LSAMP: variants seen among roughly 807,000 people sequenced by gnomAD.
The protein encoded by LSAMP is limbic system-associated membrane protein.
LSAMP carries 7 observed loss-of-function variants against 38.6 expected under a neutral mutation model. The ratio of observed to expected loss-of-function variants is 0.18; its 90% CI spans 0.10 to 0.34. The LOEUF (loss-of-function observed/expected upper bound fraction) is 0.34. LSAMP is among the 10% of genes least tolerant of loss of function. The pLI is 1.00. For synonymous variants in LSAMP, 154 were observed against 166.8 expected (o/e 0.92, Z 0.59); for missense variants, 313 against 420.0 (o/e 0.75, Z 2.23).
intron 1 of LSAMP, among the ~76,000 whole-genome samples, chr3:116,273,707 T>TATATATATATATACACAC (rs1307543165): frequency 3.9e-5 from 4 of 102,606 alleles, no homozygotes; most frequent in African/African-American, 1.4e-4. Flanking sequence ...TATATATATA[T>TATATATATATATACACAC]ACACACACAC....
chr3:116,281,275 A>G (rs2047123237), intron 1 of LSAMP, among the ~76,000 whole-genome samples: 1 of 152,214 alleles, frequency 6.6e-6, no homozygotes, highest in African/African-American at 2.4e-5. Flanking sequence ...ATCTCCTTTG[A>G]AACTTTTGCC....
rs191799088 is a variant in LSAMP, at chr3:115,968,110, C to T, written c.514+51405G>A. 3.8e-3 allele frequency among the ~76,000 whole-genome samples: 580 copies of T among 152,166 alleles called. 3 individuals carry two copies. The highest frequency in any genetic ancestry group is 0.013 in the African/African-American group (546 of 41,530). ...CAGGGAATCTGGCCCCCTTCCAGCC[C>T]AAAGCAGGTCCAGAAATACCATCCA... On this transcript the variant is annotated intron_variant, in intron 3 of 6. Coordinates refer to ENST00000490035, the MANE Select transcript of LSAMP (RefSeq NM_002338.5).
intron 1 of LSAMP, among the ~76,000 whole-genome samples, chr3:116,277,556 A>C (rs1017705408): frequency 6.6e-6 from 1 of 151,956 alleles, no homozygotes. Flanking sequence ...ATTTTTTAGT[A>C]GAGACGGGGT....
chr3:116,110,932 T>C (rs1018172230), intron 1 of LSAMP, among the ~76,000 whole-genome samples: 4 of 151,448 alleles, frequency 2.6e-5, no homozygotes, highest in Non-Finnish European at 4.4e-5. Context: ...GGCCGTTTTA[T>C]AGGATTTAGG....
chr3:115,914,122 T>C (rs1354331799), intron 3 of LSAMP, among the ~76,000 whole-genome samples: 1 of 152,010 alleles, frequency 6.6e-6, no homozygotes, highest in South Asian at 2.1e-4. Flanking sequence ...AAAAGAAAAA[T>C]AGGCCCTCAA....
At chr3:116,343,198 G>T (rs1418424172) in intron 1 of LSAMP, among the ~76,000 whole-genome samples, 2 of 152,102 alleles carry the variant, frequency 1.3e-5, no homozygotes, top group Admixed American at 6.6e-5. Context: ...GATGGATTTG[G>T]AAAGACAGGT....
In LSAMP at chr3:116,060,327, G is replaced by C. The variant is rs188085883; in HGVS notation, c.388+25997C>G. ...AAATACATCAAATATACCTTAAAGA[G>C]GTAAACCAACTATTCGGTGAAATTT... On this transcript the variant is annotated intron_variant, in intron 2 of 6. Transcript: ENST00000490035. Among the ~76,000 whole-genome samples, 23 of 151,854 alleles carry C rather than the reference G, an allele frequency of 1.5e-4. No homozygotes were observed. The East Asian group carries it at 4.4e-3, about 29-fold the overall frequency.
chr3:116,445,158 G>T lies in LSAMP; in HGVS notation c.-127C>A. On this transcript the variant is annotated 5_prime_UTR_variant, in exon 1 of 7. Coordinates refer to ENST00000490035, the MANE Select transcript of LSAMP (RefSeq NM_002338.5). The stretch of plus-strand genomic sequence containing the variant: ...GCAGAGCGGGCTTTGCCAGTTTATG[G>T]TCCTTTCCACTTTGCCTCTCTCTTT... The T allele has an allele frequency of 2.2e-6, 2 of 893,550 alleles. No homozygotes were observed. The highest frequency in any genetic ancestry group is 3.3e-6 in the Non-Finnish European group (2 of 597,082). The allele number at this position is 893,550 out of a possible 1,614,324, so 55.4% of individuals were successfully genotyped here.
At chr3:116,378,415 T>A (rs1344892346) in intron 1 of LSAMP, among the ~76,000 whole-genome samples, 1 of 152,080 alleles carries the variant, frequency 6.6e-6, no homozygotes, top group African/African-American at 2.4e-5. Context: ...GTCTTTCTTT[T>A]GTAGGTATGA....
chr3:116,270,084 T>C (rs574963400), intron 1 of LSAMP, among the ~76,000 whole-genome samples: 1 of 152,322 alleles, frequency 6.6e-6, no homozygotes, highest in East Asian at 1.9e-4. Flanking sequence ...TTTACTTGCC[T>C]TATTCATAAA....
At chr3:115,856,620 A>G (rs1367241307) in intron 3 of LSAMP, among the ~76,000 whole-genome samples, 2 of 145,922 alleles carry the variant, frequency 1.4e-5, no homozygotes, top group African/African-American at 5.1e-5. Flanking sequence ...CTCCATCTCA[A>G]AAAAAAAAAA....
chr3:116,380,545 C>T, intron 1 of LSAMP, among the ~76,000 whole-genome samples: 1 of 151,920 alleles, frequency 6.6e-6, no homozygotes, highest in Non-Finnish European at 1.5e-5. Context: ...TGGTACTTTC[C>T]TGAGGCAACC....
At chr3:116,306,648 A>G (rs2047489188) in intron 1 of LSAMP, among the ~76,000 whole-genome samples, 1 of 152,040 alleles carries the variant, frequency 6.6e-6, no homozygotes, top group South Asian at 2.1e-4. Context: ...TGCTGTCCAG[A>G]TTCCACAGCT....
At chr3:116,441,387 A>G (rs1277158860) in intron 1 of LSAMP, among the ~76,000 whole-genome samples, 1 of 152,204 alleles carries the variant, frequency 6.6e-6, no homozygotes, top group East Asian at 1.9e-4. Flanking sequence ...TGCCTTATGA[A>G]TAGATATGTG....
At chr3:116,067,779 GT>G (rs148753469) in intron 2 of LSAMP, among the ~76,000 whole-genome samples, 1 of 151,056 alleles carries the variant, frequency 6.6e-6, no homozygotes, top group Non-Finnish European at 1.5e-5. Context: ...TCTTGCTGTT[GT>G]TTTTTTTTAA....
At position 115,978,485 on chromosome 3, in the gene LSAMP, T is replaced by C. The variant is rs934474300; in HGVS notation, c.514+41030A>G. On this transcript the variant is annotated intron_variant, in intron 3 of 6. Coordinates refer to ENST00000490035, the MANE Select transcript of LSAMP (RefSeq NM_002338.5). ...AAAACTATTCATCAGTAATTTACTA[T>C]GAATGTTTGAATAACAATGGTGTCA... Among the ~76,000 whole-genome samples, 3 of 152,048 alleles carry C rather than the reference T, an allele frequency of 2.0e-5. No individual in the cohort carries two copies. The East Asian group carries it at 5.8e-4, about 29-fold the overall frequency.
intron 1 of LSAMP, among the ~76,000 whole-genome samples, chr3:116,439,791 T>G (rs1471466057): frequency 6.6e-6 from 1 of 152,228 alleles, no homozygotes; most frequent in Admixed American, 6.5e-5. Flanking sequence ...GGCGCGATCT[T>G]GGCTCACTGC....
At chr3:115,914,791 A>G (rs1298804938) in intron 3 of LSAMP, among the ~76,000 whole-genome samples, 1 of 152,198 alleles carries the variant, frequency 6.6e-6, no homozygotes, top group Non-Finnish European at 1.5e-5. Context: ...CTGTTGTGTC[A>G]GGAAGAATGT....
intron 1 of LSAMP, among the ~76,000 whole-genome samples, chr3:116,147,770 A>T (rs1204575918): frequency 1.3e-5 from 2 of 151,908 alleles, no homozygotes; most frequent in Admixed American, 6.6e-5. Flanking sequence ...TCACCTGGCC[A>T]ACAGCAATTG....
Sources: allele counts gnomAD v4.1 joint callset (sites outside exome capture counted in the v4.1 genomes callset), GRCh38; gene constraint gnomAD v4.1.1; transcripts MANE v1.5; gene names NCBI Gene and HGNC (gene_info 2026-07-23, HGNC 2026-07-21).